The following DLG2 variants were observed in gnomAD, a reference collection of about 807,000 sequenced individuals.
DLG2 encodes disks large homolog 2.
DLG2 carries 45 observed loss-of-function variants against 132.5 expected under a neutral mutation model. The observed-to-expected ratio is 0.34, with a 90% CI of 0.27 to 0.44. The LOEUF (loss-of-function observed/expected upper bound fraction) is 0.44. DLG2 is among the 20% of genes least tolerant of loss of function. The pLI, the probability that DLG2 is intolerant of heterozygous loss-of-function variation, is 1.00. For missense variants in DLG2, 1,045 were observed against 1,196.9 expected, an observed-to-expected ratio of 0.87 and a Z score of 1.87; for synonymous variants, 424 against 419.6, an observed-to-expected ratio of 1.01 and a Z score of -0.13.
At chr11:85,410,124 A>T (rs990750856) in intron 3 of DLG2, among the ~76,000 whole-genome samples, 1 of 151,898 alleles carries the variant, frequency 6.6e-6, no homozygotes, top group African/African-American at 2.4e-5. Context: ...ACATAAGACA[A>T]GAATAAGAAG....
rs181037898 is a variant in DLG2, at chr11:83,803,215, G to A, written c.1723-16423C>T. ...AGTCATTGTGCTATTTTTGGGGGAT[G>A]GATTGGTGAAGAAAGCAATGGTTCA... On this transcript the variant is annotated intron_variant, in intron 17 of 27. Coordinates refer to ENST00000376104, the MANE Select transcript of DLG2 (RefSeq NM_001142699.3). Among the ~76,000 whole-genome samples, 18 of 152,148 alleles carry A rather than the reference G, an allele frequency of 1.2e-4. No individual in the cohort carries two copies. The East Asian group carries it at 3.1e-3, about 26-fold the overall frequency.
intron 6 of DLG2, among the ~76,000 whole-genome samples, chr11:84,934,636 A>G (rs898467386): frequency 6.7e-6 from 1 of 149,478 alleles, no homozygotes; most frequent in Non-Finnish European, 1.5e-5. Flanking sequence ...ACCTCTATGC[A>G]CATAAACTAG....
chr11:85,520,028 A>C (rs1286712669), intron 3 of DLG2, among the ~76,000 whole-genome samples: 1 of 150,722 alleles, frequency 6.6e-6, no homozygotes. Flanking sequence ...AAGTGGACTA[A>C]TGCACCTGGC....
chr11:84,424,656 C>T lies in DLG2; in HGVS notation c.519+109914G>A, dbSNP rs1425369075. 3.3e-5 allele frequency among the ~76,000 whole-genome samples: 5 copies of T among 151,972 alleles called. No individual in the cohort carries two copies. In the East Asian group the frequency reaches 9.6e-4, roughly 29 times the overall value. On this transcript the variant is annotated intron_variant, in intron 7 of 27. Coordinates refer to ENST00000376104, the MANE Select transcript of DLG2 (RefSeq NM_001142699.3). The stretch of plus-strand genomic sequence containing the variant: ...GATCTAGAAACCATGTTCTTAAATA[C>T]TCTACTTTTATGTATCAATATATTT...
At chr11:83,985,268 C>T (rs897710761) in intron 11 of DLG2, among the ~76,000 whole-genome samples, 1 of 152,056 alleles carries the variant, frequency 6.6e-6, no homozygotes, top group African/African-American at 2.4e-5. Context: ...CATGTCTTCC[C>T]TTCATTAGCT....
chr11:85,547,498 T>G (rs1266460639), intron 3 of DLG2, among the ~76,000 whole-genome samples: 1 of 152,188 alleles, frequency 6.6e-6, no homozygotes, highest in African/African-American at 2.4e-5. Context: ...CTTTGCGGTG[T>G]TCTCTGTAGT....
At chr11:85,240,258 A>G (rs186389087) in intron 4 of DLG2, among the ~76,000 whole-genome samples, 126 of 151,968 alleles carry the variant, frequency 8.3e-4, no homozygotes, top group African/African-American at 3.0e-3. Context: ...TTCATTATAT[A>G]TGCTCATTAT....
chr11:85,606,301 G>A (rs61907155), intron 2 of DLG2, among the ~76,000 whole-genome samples: 1,910 of 152,182 alleles, frequency 0.013, 18 homozygotes, highest in Non-Finnish European at 0.02. Flanking sequence ...AGGTGAAGCC[G>A]GCTGGCTTCT....
At chr11:85,617,301 A>C (rs1001379381) in intron 2 of DLG2, among the ~76,000 whole-genome samples, 1 of 152,238 alleles carries the variant, frequency 6.6e-6, no homozygotes, top group African/African-American at 2.4e-5. Context: ...AAAATAAATA[A>C]TGATCTGAAA....
At chr11:84,377,350 A>G (rs941808693) in intron 7 of DLG2, among the ~76,000 whole-genome samples, 7 of 152,064 alleles carry the variant, frequency 4.6e-5, no homozygotes, top group African/African-American at 1.7e-4. Flanking sequence ...AGAAAGCACC[A>G]CCACCATGAA....
chr11:84,806,090 C>A lies in DLG2; in HGVS notation c.358-271359G>T, dbSNP rs79289474. On this transcript the variant is annotated intron_variant, in intron 6 of 27. Transcript: ENST00000376104. ...GGGTTCTGTAAATGAATAAAAGAGA[C>A]AAAAGAAACAATCAGTGAACTGGAA... Among the ~76,000 whole-genome samples the A allele has an allele frequency of 6.1e-4, 92 of 151,974 alleles. 1 individual carries two copies. The highest frequency in any genetic ancestry group is 2.0e-3 in the African/African-American group (85 of 41,472).
intron 19 of DLG2, among the ~76,000 whole-genome samples, chr11:83,595,134 A>T (rs2057349683): frequency 6.6e-6 from 1 of 152,338 alleles, no homozygotes; most frequent in South Asian, 2.1e-4. Flanking sequence ...TTATGGGAAA[A>T]AAAAACCACT....
chr11:83,965,278 G>C, intron 13 of DLG2, 46 bp downstream of exon 13: 1 of 1,557,910 alleles, frequency 6.4e-7, no homozygotes, highest in Non-Finnish European at 8.7e-7. Flanking sequence ...TAGAATTCCA[G>C]TTCTGCAAGT....
intron 14 of DLG2, among the ~76,000 whole-genome samples, chr11:83,957,512 C>A (rs181239869): frequency 1.2e-4 from 18 of 150,994 alleles, no homozygotes; most frequent in Non-Finnish European, 2.9e-5. Flanking sequence ...TCTTTTCCCT[C>A]TTTTTTTCCA....
At chr11:84,196,387 G>T (rs1475624721) in intron 8 of DLG2, among the ~76,000 whole-genome samples, 1 of 152,162 alleles carries the variant, frequency 6.6e-6, no homozygotes, top group Non-Finnish European at 1.5e-5. Flanking sequence ...TCTAGGCAAG[G>T]AGAACTGTGT....
chr11:84,230,331 T>C lies in DLG2; in HGVS notation c.573+20907A>G, dbSNP rs576036154. On this transcript the variant is annotated intron_variant, in intron 8 of 27. Transcript: ENST00000376104. ...CTATAATTATCTGTTGTTTATTATC[T>C]CTATCCCTCAACATGAATTTAAACT... 6.6e-5 allele frequency among the ~76,000 whole-genome samples: 10 copies of C among 152,302 alleles called. No homozygotes were observed. In the East Asian group the frequency reaches 1.9e-3, roughly 29 times the overall value.
intron 6 of DLG2, among the ~76,000 whole-genome samples, chr11:84,645,575 T>C (rs1045392189): frequency 2.0e-5 from 3 of 152,090 alleles, no homozygotes; most frequent in African/African-American, 7.2e-5. Flanking sequence ...TCACGCCATT[T>C]TCCTGCCTCA....
At position 84,229,738 on chromosome 11, in the gene DLG2, T is replaced by C. The variant is rs540314020; in HGVS notation, c.573+21500A>G. 7.9e-5 allele frequency among the ~76,000 whole-genome samples: 12 copies of C among 152,330 alleles called. No individual in the cohort carries two copies. The South Asian group carries it at 2.5e-3, about 32-fold the overall frequency. ...ACTGGCTCCTTCTCTTACCAACTAC[T>C]TGACCTTGGCCACATTAGTTAACTT... On this transcript the variant is annotated intron_variant, in intron 8 of 27. Transcript: ENST00000376104.
intron 6 of DLG2, among the ~76,000 whole-genome samples, chr11:84,915,709 G>A (rs2092410614): frequency 1.3e-5 from 2 of 152,122 alleles, no homozygotes; most frequent in African/African-American, 2.4e-5. Context: ...TCATTAGAGA[G>A]GAAACTCTCC....
Sources: allele counts gnomAD v4.1 joint callset (sites outside exome capture counted in the v4.1 genomes callset), GRCh38; gene constraint gnomAD v4.1.1; transcripts MANE v1.5; gene names NCBI Gene and HGNC (gene_info 2026-07-23, HGNC 2026-07-21).